Variants in FMN2 observed in about 807,000 individuals in gnomAD.
The protein encoded by FMN2 is formin-2.
FMN2 carries 51 observed loss-of-function variants against 142.3 expected under a neutral mutation model. That is an observed-to-expected ratio of 0.36 (90% CI 0.29 to 0.45). The LOEUF is 0.45. Among genes scored for constraint, FMN2 ranks in the 20% least tolerant of loss-of-function variants. The probability of loss-of-function intolerance (pLI) is 1.00; values close to 1 mark genes in which losing one functional copy is unlikely to be tolerated. For missense variants in FMN2, 1,936 were observed against 2,122.8 expected (o/e 0.91, Z 1.73); for synonymous variants, 882 against 869.8 (o/e 1.01, Z -0.25).
chr1:240,092,019 C>G lies in FMN2; in HGVS notation c.-91C>G. The G allele has an allele frequency of 7.0e-7, 1 of 1,435,862 alleles. No homozygotes were observed. Among genetic ancestry groups the G allele is most frequent in the South Asian group, 1.5e-5 (1 of 66,708 alleles). 88.9% of individuals were successfully genotyped at this position (1,435,862 alleles called of 1,614,324 possible). ...TCCCCCCGCCGCCGCCTGACTCTCC[C>G]GGGAGACTCCCTAGGCCCGGACCTG... On this transcript the variant is annotated 5_prime_UTR_variant, in exon 1 of 18. Coordinates refer to ENST00000319653, the MANE Select transcript of FMN2 (RefSeq NM_020066.5).
intron 14 of FMN2, among the ~76,000 whole-genome samples, chr1:240,358,053 T>C (rs1672334932): frequency 6.6e-6 from 1 of 152,236 alleles, no homozygotes; most frequent in Non-Finnish European, 1.5e-5. Context: ...CTTTTTGCCA[T>C]TAAGTTAAAC....
chr1:240,244,048 T>C (rs1263611539), intron 6 of FMN2, among the ~76,000 whole-genome samples: 1 of 152,188 alleles, frequency 6.6e-6, no homozygotes, highest in African/African-American at 2.4e-5. Flanking sequence ...CATTCTGAGG[T>C]TCTGCTTTGA....
chr1:240,209,051 T>A (rs979052368), intron 5 of FMN2, among the ~76,000 whole-genome samples: 9 of 152,172 alleles, frequency 5.9e-5, no homozygotes, highest in Non-Finnish European at 1.2e-4. Flanking sequence ...GTTATCTAGT[T>A]GTAAGACTGC....
At chr1:240,359,576 C>T (rs1021630655) in intron 14 of FMN2, among the ~76,000 whole-genome samples, 1 of 152,174 alleles carries the variant, frequency 6.6e-6, no homozygotes, top group Non-Finnish European at 1.5e-5. Flanking sequence ...GCAACCCATT[C>T]AATTTTCCCT....
intron 2 of FMN2, among the ~76,000 whole-genome samples, chr1:240,129,400 T>C (rs1662644882): frequency 6.6e-6 from 1 of 152,168 alleles, no homozygotes; most frequent in African/African-American, 2.4e-5. Context: ...AAGATGATAC[T>C]TAATTTTTTC....
At chr1:240,417,886 G>C (rs182491131) in intron 15 of FMN2, among the ~76,000 whole-genome samples, 191 of 152,098 alleles carry the variant, frequency 1.3e-3, no homozygotes, top group African/African-American at 4.5e-3. Context: ...ATTCCATGAC[G>C]TTTTCAGACA....
At chr1:240,344,622 A>G (rs1671846262) in intron 13 of FMN2, among the ~76,000 whole-genome samples, 1 of 152,212 alleles carries the variant, frequency 6.6e-6, no homozygotes, top group African/African-American at 2.4e-5. Context: ...AATTAATGAG[A>G]AGAAAATTTT....
chr1:240,220,200 A>C (rs1667052825), intron 6 of FMN2, among the ~76,000 whole-genome samples: 2 of 152,144 alleles, frequency 1.3e-5, no homozygotes, highest in Admixed American at 1.3e-4. Context: ...GGCACACAGG[A>C]AACGGAGAAA....
intron 13 of FMN2, among the ~76,000 whole-genome samples, chr1:240,355,158 C>A (rs79546084): frequency 6.6e-6 from 1 of 151,948 alleles, no homozygotes; most frequent in Non-Finnish European, 1.5e-5. Context: ...AAATTAGTGC[C>A]TTATTTGAGC....
intron 7 of FMN2, among the ~76,000 whole-genome samples, chr1:240,280,354 A>G (rs1669355043): frequency 7.1e-6 from 1 of 141,606 alleles, no homozygotes; most frequent in Non-Finnish European, 1.5e-5. Context: ...GTGTAGCACT[A>G]CACTGAAAAA....
At chr1:240,094,191 G>T (rs1266403911) in intron 1 of FMN2, among the ~76,000 whole-genome samples, 1 of 152,188 alleles carries the variant, frequency 6.6e-6, no homozygotes, top group African/African-American at 2.4e-5. Flanking sequence ...GGCAGTCTCT[G>T]ACCGCTCTCA....
intron 2 of FMN2, among the ~76,000 whole-genome samples, chr1:240,148,220 ACAGAGAGACAGAGACC>A (rs1663573562): frequency 8.6e-6 from 1 of 116,826 alleles, no homozygotes; most frequent in Non-Finnish European, 1.9e-5. Flanking sequence ...AGAGACAGAG[ACAGAGAGACAGAGACC>A]GAGAGAGACA....
intron 8 of FMN2, among the ~76,000 whole-genome samples, chr1:240,318,658 GAT>G (rs1489142857): frequency 6.6e-6 from 1 of 152,114 alleles, no homozygotes; most frequent in Admixed American, 6.6e-5. Flanking sequence ...TTTTGAATAG[GAT>G]ATACATGCTC....
intron 15 of FMN2, among the ~76,000 whole-genome samples, chr1:240,395,114 A>C (rs984950520): frequency 3.3e-4 from 50 of 152,308 alleles, no homozygotes; most frequent in African/African-American, 1.1e-3. Context: ...CATAGGAATT[A>C]TGCCAAATCT....
chr1:240,380,715 T>TAAAA (rs11384026), intron 14 of FMN2, among the ~76,000 whole-genome samples: 1 of 127,756 alleles, frequency 7.8e-6, no homozygotes, highest in African/African-American at 3.0e-5. Flanking sequence ...CAAAACTAGT[T>TAAAA]AAAAAAAAAA....
At chr1:240,200,842 TTC>T (rs1023160545) in intron 4 of FMN2, among the ~76,000 whole-genome samples, 1 of 152,124 alleles carries the variant, frequency 6.6e-6, no homozygotes, top group African/African-American at 2.4e-5. Context: ...TACAAAAAAG[TTC>T]TGTTTATAAA....
At chr1:240,148,482 A>AAG (rs1393708970) in intron 2 of FMN2, among the ~76,000 whole-genome samples, 1 of 135,220 alleles carries the variant, frequency 7.4e-6, no homozygotes, top group African/African-American at 2.6e-5. Flanking sequence ...GAGAAAGAAA[A>AAG]AGAGAGAGAG....
At chr1:240,457,996 T>A (rs1676311062) in intron 16 of FMN2, 1 of 152,348 alleles carries the variant, frequency 6.6e-6, no homozygotes, top group Non-Finnish European at 1.5e-5. Flanking sequence ...GCAAGAGTAG[T>A]CTCTGTTGAC....
chr1:240,132,818 T>C (rs1214369846), intron 2 of FMN2, among the ~76,000 whole-genome samples: 3 of 152,158 alleles, frequency 2.0e-5, no homozygotes, highest in African/African-American at 7.2e-5. Flanking sequence ...AAAATCACCT[T>C]TCAGGTTCAG....
Sources: gnomAD v4.1 joint callset for allele counts (sites outside exome capture counted in the v4.1 genomes callset) on GRCh38, gnomAD v4.1.1 for gene constraint, MANE v1.5 for transcripts, NCBI Gene and HGNC (gene_info 2026-07-23, HGNC 2026-07-21) for gene names.